The following ANGPT4 variants were observed in gnomAD, a reference collection of about 807,000 sequenced individuals.
ANGPT4 encodes the protein angiopoietin 4, also known as angiopoietin-4.
Under a neutral mutation model 53.0 loss-of-function variants are expected in ANGPT4, and 50 were observed. The observed-to-expected ratio is 0.94, with a 90% CI of 0.75 to 1.20. The LOEUF (loss-of-function observed/expected upper bound fraction) is 1.20, where lower values mean the gene tolerates loss of function less well. Ranked by LOEUF, ANGPT4 falls within the 50% of genes most tolerant of loss-of-function variation. The probability of loss-of-function intolerance (pLI) is 0.00; values close to 1 mark genes in which losing one functional copy is unlikely to be tolerated. For synonymous variants in ANGPT4, 251 were observed against 259.7 expected (o/e 0.97, Z 0.32); for missense variants, 648 against 637.1 (o/e 1.02, Z -0.18).
chr20:884,723 G>T (rs6077320), intron 4 of ANGPT4, among the ~76,000 whole-genome samples: 34,075 of 152,026 alleles, frequency 0.22, 4,204 homozygotes, highest in East Asian at 0.48. Context: ...GGCCCAGGGA[G>T]GGGTAGGACA....
intron 1 of ANGPT4, among the ~76,000 whole-genome samples, chr20:901,291 C>T (rs947270165): frequency 6.6e-6 from 1 of 152,134 alleles, no homozygotes; most frequent in African/African-American, 2.4e-5. Context: ...TGGAGAACCA[C>T]AAAAGAAGTG....
Position 874,429 on chromosome 20 carries a change from G to T in ANGPT4, c.1221-15C>A, listed in dbSNP as rs1981079655. 3.1e-6 allele frequency: 5 copies of T among 1,612,700 alleles called. No homozygotes were observed. In the South Asian group the frequency reaches 5.5e-5, roughly 18 times the overall value. ...CCACAGAAAGCCTGGAGGCCACCCA[G>T]AGGTGGTGGTGGCAGAAGGGCCCAG... On this transcript the variant is annotated splice_polypyrimidine_tract_variant and intron_variant, in intron 7 of 8. Transcript: ENST00000381922.
chr20:890,213 C>T lies in ANGPT4; in HGVS notation c.465G>A (p.Gln155=), dbSNP rs1157582920. ...QIRKLTDMEA[Q]LLNQTSRMDA... ...TGCCCACTCAGTCACCCTCTGTTAC[C>T]TGAGCCTCCATGTCGGTCAGCTTGC... Residue 155 remains glutamine, a splice_region_variant and synonymous_variant, in exon 2 of 9, where the codon CAG becomes CAA. Transcript: ENST00000381922. 1 of 1,613,238 alleles carries T rather than the reference C, an allele frequency of 6.2e-7. No homozygotes were observed. The highest frequency in any genetic ancestry group is 8.5e-7 in the Non-Finnish European group (1 of 1,179,638).
At chr20:904,787 C>A (rs1293993441) in intron 1 of ANGPT4, among the ~76,000 whole-genome samples, 1 of 152,144 alleles carries the variant, frequency 6.6e-6, no homozygotes, top group Admixed American at 6.5e-5. Flanking sequence ...CCACCAGGCC[C>A]AGCCAATTTT....
Position 915,899 on chromosome 20 carries a change from C to T in ANGPT4, c.309+7G>A, listed in dbSNP as rs1238744688. On this transcript the variant is annotated splice_region_variant and intron_variant, in intron 1 of 8. Coordinates refer to ENST00000381922, the MANE Select transcript of ANGPT4 (RefSeq NM_015985.4). ...TCTGCCCCCTGCAAACCTCCCATGCCCCGTACCTTCTTCAGCCACTGCGTG... is the reference window on the plus strand; with the variant it reads ...TCTGCCCCCTGCAAACCTCCCATGCTCCGTACCTTCTTCAGCCACTGCGTG... 6.4e-7 allele frequency: 1 copy of T among 1,558,508 alleles called. No homozygotes were observed. The highest frequency in any genetic ancestry group is 1.2e-5 in the South Asian group (1 of 81,568).
intron 1 of ANGPT4, among the ~76,000 whole-genome samples, chr20:905,720 C>A (rs1982452695): frequency 6.6e-6 from 1 of 152,196 alleles, no homozygotes; most frequent in African/African-American, 2.4e-5. Flanking sequence ...CTCCAACCAA[C>A]TCATTCAGAT....
At chr20:889,084 G>A (rs941983161) in intron 2 of ANGPT4, among the ~76,000 whole-genome samples, 1 of 152,120 alleles carries the variant, frequency 6.6e-6, no homozygotes, top group African/African-American at 2.4e-5. Flanking sequence ...TGCATCCCTT[G>A]TCTGGAGCAC....
At chr20:894,232 G>T (rs958059701) in intron 1 of ANGPT4, among the ~76,000 whole-genome samples, 24 of 152,154 alleles carry the variant, frequency 1.6e-4, no homozygotes, top group Non-Finnish European at 2.9e-4. Flanking sequence ...TGCAAGCCCC[G>T]TGTTTAAAGG....
chr20:889,590 G>A (rs998405095), intron 2 of ANGPT4, among the ~76,000 whole-genome samples: 4 of 152,212 alleles, frequency 2.6e-5, no homozygotes, highest in African/African-American at 4.8e-5. Context: ...ACATTAAGCA[G>A]TGCATAACCA....
intron 1 of ANGPT4, among the ~76,000 whole-genome samples, chr20:893,433 T>C (rs1297003640): frequency 6.6e-6 from 1 of 152,246 alleles, no homozygotes; most frequent in African/African-American, 2.4e-5. Flanking sequence ...CTGAGTGTTC[T>C]TATGCTTTGA....
In ANGPT4 at chr20:911,762, C is replaced by T. The variant is rs1379095203; in HGVS notation, c.309+4144G>A. The stretch of plus-strand genomic sequence containing the variant: ...CTCAGGAGTTCAAGGCTGCAGTGAG[C>T]TGTGATTGCACCATTGCACCCCAGT... On this transcript the variant is annotated intron_variant, in intron 1 of 8. Coordinates refer to ENST00000381922, the MANE Select transcript of ANGPT4 (RefSeq NM_015985.4). The surrounding 1 kb of genome is among the most constrained non-coding windows in gnomAD (Gnocchi z 4.9). Among the ~76,000 whole-genome samples, 1 of 152,046 alleles carries T rather than the reference C, an allele frequency of 6.6e-6. No individual in the cohort carries two copies. Among genetic ancestry groups the T allele is most frequent in the Non-Finnish European group, 1.5e-5 (1 of 68,014 alleles).
chr20:896,603 T>C (rs1219189249), intron 1 of ANGPT4, among the ~76,000 whole-genome samples: 3 of 152,172 alleles, frequency 2.0e-5, no homozygotes, highest in Non-Finnish European at 4.4e-5. Context: ...AGGTTCCTGT[T>C]TGGGAAATGC....
In ANGPT4 at chr20:915,902, G is replaced by GT. The variant is rs768424182; in HGVS notation, c.309+3dup. Reference sequence around the variant, plus strand: ...GCCCCCTGCAAACCTCCCATGCCCCGTACCTTCTTCAGCCACTGCGTGTTG... The same window carrying GT: ...GCCCCCTGCAAACCTCCCATGCCCCGTTACCTTCTTCAGCCACTGCGTGTTG... On this transcript the variant is annotated splice_donor_region_variant and intron_variant, in intron 1 of 8. Coordinates refer to ENST00000381922, the MANE Select transcript of ANGPT4 (RefSeq NM_015985.4). 2.6e-6 allele frequency: 4 copies of GT among 1,559,724 alleles called. No individual in the cohort carries two copies. The highest frequency in any genetic ancestry group is 3.5e-6 in the Non-Finnish European group (4 of 1,149,356).
chr20:916,217 G>A lies in ANGPT4; in HGVS notation c.-3C>T. 2 of 1,610,806 alleles carry A rather than the reference G, an allele frequency of 1.2e-6. No homozygotes were observed. The highest frequency in any genetic ancestry group is 4.5e-5 in the East Asian group (2 of 44,790). On this transcript the variant is annotated 5_prime_UTR_variant, in exon 1 of 9. Coordinates refer to ENST00000381922, the MANE Select transcript of ANGPT4 (RefSeq NM_015985.4). ...AGCATGGCTAGCTGGGAGAGCATCT[G>A]AAGATGTGTCAATGGCGAGGGATGT... is the stretch of plus-strand genomic sequence containing the variant.
intron 6 of ANGPT4, 32 bp from the exon 7 acceptor site, chr20:878,359 T>G (rs370922444): frequency 6.4e-7 from 1 of 1,574,434 alleles, no homozygotes; most frequent in South Asian, 1.1e-5. Context: ...GTGAGACTCA[T>G]GCTGAGGAGG....
At chr20:899,504 C>T (rs1410025099) in intron 1 of ANGPT4, among the ~76,000 whole-genome samples, 1 of 152,080 alleles carries the variant, frequency 6.6e-6, no homozygotes, top group Non-Finnish European at 1.5e-5. Flanking sequence ...TTGCCCGCCT[C>T]GGCCTCCCAA....
At chr20:874,470 G>T in intron 7 of ANGPT4, 56 bp from the exon 8 acceptor site, 2 of 1,599,858 alleles carry the variant, frequency 1.3e-6, no homozygotes, top group Non-Finnish European at 1.7e-6. Flanking sequence ...GGTTGGGGCT[G>T]TGTCGAGCAA....
chr20:899,027 T>G (rs1383212008), intron 1 of ANGPT4, among the ~76,000 whole-genome samples: 1 of 152,352 alleles, frequency 6.6e-6, no homozygotes, highest in African/African-American at 2.4e-5. Context: ...AGACTGACAC[T>G]GCCTGATTGC....
chr20:896,508 C>A lies in ANGPT4; in HGVS notation c.310-6140G>T, dbSNP rs142027875. On this transcript the variant is annotated intron_variant, in intron 1 of 8. Coordinates refer to ENST00000381922, the MANE Select transcript of ANGPT4 (RefSeq NM_015985.4). ...AAGTGCAGAGGCCTTGAAGTGGGAG[C>A]GTGTCTGGTATTTGAGGATCAAAAT... Among the ~76,000 whole-genome samples, 139 of 152,202 alleles carry A rather than the reference C, an allele frequency of 9.1e-4. 1 individual carries two copies. Among genetic ancestry groups the A allele is most frequent in the Non-Finnish European group, 1.8e-3 (125 of 68,014 alleles).
Sources: gnomAD v4.1 joint callset for allele counts (sites outside exome capture counted in the v4.1 genomes callset) on GRCh38, gnomAD v4.1.1 for gene constraint, Gnocchi (gnomAD v3.1) non-coding constraint, MANE v1.5 for transcripts, NCBI Gene and HGNC (gene_info 2026-07-23, HGNC 2026-07-21) for gene names.